Variants in USP2 observed in about 807,000 individuals in gnomAD.
USP2 encodes ubiquitin specific peptidase 2.
Under a neutral mutation model 72.0 loss-of-function variants are expected in USP2, and 33 were observed. That is an observed-to-expected ratio of 0.46 (90% CI 0.35 to 0.61). The LOEUF (loss-of-function observed/expected upper bound fraction) is 0.61, where lower values mean the gene tolerates loss of function less well. Among genes scored for constraint, USP2 ranks in the 20% least tolerant of loss-of-function variants. USP2 has a pLI of 0.01. For synonymous variants in USP2, 296 were observed against 312.5 expected, an observed-to-expected ratio of 0.95 and a Z score of 0.56; for missense variants, 691 against 797.8, an observed-to-expected ratio of 0.87 and a Z score of 1.61.
intron 1 of USP2, chr11:119,379,369 G>T: frequency 1.4e-6 from 1 of 710,618 alleles, no homozygotes; most frequent in Non-Finnish European, 1.7e-6. Context: ...GAGCACAGAG[G>T]GGTGGGGGTG....
At position 119,356,728 on chromosome 11, in the gene USP2, C is replaced by G; in HGVS notation, c.*107G>C. The G allele has an allele frequency of 8.2e-7, 1 of 1,219,662 alleles. No homozygotes were observed. Among genetic ancestry groups the G allele is most frequent in the Non-Finnish European group, 1.1e-6 (1 of 885,584 alleles). The allele number at this position is 1,219,662 out of a possible 1,614,324, so 75.6% of individuals were successfully genotyped here. A position where few individuals can be genotyped will look rare whatever the true frequency, so the allele number is the denominator to read the frequency against. Reference sequence around the variant, plus strand: ...GCTCGGCAGCTTCAGGTTTGTTTTTCTCTTGTCAGGTTTGTGTGTTGTTGT... The same window carrying G: ...GCTCGGCAGCTTCAGGTTTGTTTTTGTCTTGTCAGGTTTGTGTGTTGTTGT... On this transcript the variant is annotated 3_prime_UTR_variant, in exon 13 of 13. Transcript: ENST00000260187.
Position 119,358,983 on chromosome 11 carries a change from A to C in USP2, c.1172+41T>G, listed in dbSNP as rs201207667. 577 of 1,607,368 alleles carry C rather than the reference A, an allele frequency of 3.6e-4. 5 individuals carry two copies. The highest frequency in any genetic ancestry group is 1.2e-3 in the South Asian group (109 of 90,948). ...AGTGGTGGGTAAAAATCTCGAGTTC[A>C]CAAAAGTTTTGCTTTCCCACAGCAT... On this transcript the variant is annotated intron_variant, in intron 6 of 12. Coordinates refer to ENST00000260187, the MANE Select transcript of USP2 (RefSeq NM_004205.5).
At chr11:119,364,261 A>G (rs550341664) in intron 2 of USP2, 1 of 924,154 alleles carries the variant, frequency 1.1e-6, no homozygotes. Flanking sequence ...GGGCGGGGCC[A>G]GGCCCTAAGC....
chr11:119,372,988 T>C lies in USP2; in HGVS notation c.493A>G (p.Asn165Asp). 1 of 1,613,840 alleles carries C rather than the reference T, an allele frequency of 6.2e-7. No homozygotes were observed. Among genetic ancestry groups the C allele is most frequent in the Non-Finnish European group, 8.5e-7 (1 of 1,180,022 alleles). The change falls in exon 2 of 13, where the codon AAC (asparagine) becomes GAC (aspartate). Residue 165 changes from asparagine to aspartate, a missense_variant. Physicochemically the swap from Asn to Asp is conservative, Grantham distance 23. Coordinates refer to ENST00000260187, the MANE Select transcript of USP2 (RefSeq NM_004205.5). ...TSDSYRIDPR[N>D]LGRSPMLART... ...GCCAGCATGGGGCTGCGGCCCAGGT[T>C]CCTGGGGTCTATCCGGTAGCTATCT...
Position 119,372,746 on chromosome 11 carries a change from A to G in USP2, c.735T>C (p.Pro245=), listed in dbSNP as rs767430568. Reference sequence around the variant, plus strand: ...CCGGGGAGCTGGAGCGGCTGGGCCCAGGGGCCTGACCCTTTCCCGTCTCCC... The same window carrying G: ...CCGGGGAGCTGGAGCGGCTGGGCCCGGGGGCCTGACCCTTTCCCGTCTCCC... The part of the protein sequence containing the change: ...TLWETGKGQA[P]GPSRSSSPGR... Residue 245 remains proline, a synonymous_variant, in exon 2 of 13, where the codon CCT becomes CCC. Coordinates refer to ENST00000260187, the MANE Select transcript of USP2 (RefSeq NM_004205.5). 4 of 1,536,298 alleles carry G rather than the reference A, an allele frequency of 2.6e-6. No individual in the cohort carries two copies. The highest frequency in any genetic ancestry group is 1.3e-5 in the South Asian group (1 of 77,144).
rs1950733393 is a variant in USP2 at position 119,359,768 on chromosome 11, G to A, written c.826-108C>T. The A allele has an allele frequency of 2.7e-6, 4 of 1,465,344 alleles. No homozygotes were observed. In the East Asian group the frequency reaches 9.2e-5, roughly 34 times the overall value. 90.8% of individuals were successfully genotyped at this position (1,465,344 alleles called of 1,614,324 possible). On this transcript the variant is annotated intron_variant, in intron 3 of 12. Coordinates refer to ENST00000260187, the MANE Select transcript of USP2 (RefSeq NM_004205.5). ...TCATCTACCTAGAATCCTTTCATAG[G>A]AGGCTATCCTTTCATAGCCTCAAGT...
chr11:119,366,507 C>T (rs1940804), intron 2 of USP2, among the ~76,000 whole-genome samples: 104,626 of 152,150 alleles, frequency 0.69, 36,766 homozygotes, highest in African/African-American at 0.83. Context: ...TTTATCTTTG[C>T]TTTATAAGTG....
intron 2 of USP2, among the ~76,000 whole-genome samples, chr11:119,364,721 C>A (rs931700923): frequency 2.0e-5 from 3 of 152,118 alleles, no homozygotes; most frequent in Non-Finnish European, 4.4e-5. Context: ...GGTCAATGTG[C>A]CCAGGTTAAG....
At chr11:119,378,264 G>T (rs1464322378) in intron 1 of USP2, among the ~76,000 whole-genome samples, 1 of 150,948 alleles carries the variant, frequency 6.6e-6, no homozygotes, top group Non-Finnish European at 1.5e-5. Context: ...CAAGTGTCTG[G>T]TCCTGGAGGA....
chr11:119,368,612 A>G (rs1369476766), intron 2 of USP2, among the ~76,000 whole-genome samples: 1 of 152,216 alleles, frequency 6.6e-6, no homozygotes, highest in Non-Finnish European at 1.5e-5. Context: ...GGCAAATAGG[A>G]CCCAGGTATT....
intron 12 of USP2, 39 bp downstream of exon 12, chr11:119,357,148 G>T: frequency 6.2e-7 from 1 of 1,609,090 alleles, no homozygotes; most frequent in Non-Finnish European, 8.5e-7. Context: ...GAGAGTGGGT[G>T]GCTACAGCCA....
rs1463797976 is a variant in USP2, at chr11:119,364,239, A to T, written c.775-4005T>A. On this transcript the variant is annotated intron_variant, in intron 2 of 12. Coordinates refer to ENST00000260187, the MANE Select transcript of USP2 (RefSeq NM_004205.5). ...CCCCGCCGGCGCCTCGGGCCCCGCG[A>T]CGTCAGCGCTGGGGCGGGGCCAGGC... 40 of 1,053,246 alleles carry T rather than the reference A, an allele frequency of 3.8e-5. No individual in the cohort carries two copies. The East Asian group carries it at 1.4e-3, about 37-fold the overall frequency. The allele number at this position is 1,053,246 out of a possible 1,614,324, so 65.2% of individuals were successfully genotyped here.
rs1336269627 is a variant in USP2, at chr11:119,356,557, C to G, written c.*278G>C. The stretch of plus-strand genomic sequence containing the variant: ...CCCCAAGACACAGTTGTTTCTGACA[C>G]ATAGGAAGACCACAAGTTTACAAAT... On this transcript the variant is annotated 3_prime_UTR_variant, in exon 13 of 13. Transcript: ENST00000260187. 2.2e-6 allele frequency: 1 copy of G among 446,832 alleles called. No homozygotes were observed. The highest frequency in any genetic ancestry group is 4.0e-6 in the Non-Finnish European group (1 of 251,912). 27.7% of individuals were successfully genotyped at this position (446,832 alleles called of 1,614,324 possible).
rs141117796 is a variant in USP2 at position 119,373,156 on chromosome 11, C to T, written c.325G>A (p.Gly109Arg). The change falls in exon 2 of 13, where the codon GGG becomes AGG. Residue 109 changes from glycine (G) to arginine (R), a missense_variant. Physicochemically the swap from Gly to Arg is moderately radical, Grantham distance 125 (BLOSUM62 -2). Transcript: ENST00000260187. ...ACTCCATAAGGGAATCCGCTGCCCC[C>T]GCTGAGGCCACTGCCTAAAGGCCGC... ...TERPLGSGLSGGSGFPYGVTN... is the reference protein window; with the variant it reads ...TERPLGSGLSRGSGFPYGVTN... 8.7e-5 allele frequency: 141 copies of T among 1,614,128 alleles called. 1 individual carries two copies. In the East Asian group the frequency reaches 1.7e-3, roughly 20 times the overall value.
chr11:119,358,821 G>A lies in USP2; in HGVS notation c.1189C>T (p.Arg397Ter). 6.2e-7 allele frequency: 1 copy of A among 1,613,944 alleles called. No individual in the cohort carries two copies. Among genetic ancestry groups the A allele is most frequent in the Non-Finnish European group, 8.5e-7 (1 of 1,180,020 alleles). The change falls in exon 7 of 13, where the codon CGA becomes TGA. Residue 397 changes from arginine (R) to a stop codon, truncating the protein, a stop_gained. Coordinates refer to ENST00000260187, the MANE Select transcript of USP2 (RefSeq NM_004205.5). LOFTEE classifies it high-confidence loss of function. ...LDHLPDDEKG[R>*]QMWRKYLERE... ...TCTAGATATTTTCTCCACATCTGTC[G>A]GCCTTTCTCGTCATCACTGGGAACC...
chr11:119,374,353 A>G (rs1293014587), intron 1 of USP2, among the ~76,000 whole-genome samples: 1 of 152,094 alleles, frequency 6.6e-6, no homozygotes, highest in Admixed American at 6.5e-5. Context: ...ACAGTCCCAA[A>G]TCTTGCACTG....
chr11:119,373,895 G>T (rs1358637945), intron 1 of USP2, among the ~76,000 whole-genome samples: 3 of 152,198 alleles, frequency 2.0e-5, no homozygotes, highest in Non-Finnish European at 4.4e-5. Context: ...TTGAGCTGGG[G>T]GAATGCCACT....
intron 1 of USP2, among the ~76,000 whole-genome samples, chr11:119,378,622 G>A (rs564798038): frequency 1.3e-5 from 2 of 152,318 alleles, no homozygotes; most frequent in East Asian, 3.9e-4. Context: ...GACTGGTGGA[G>A]AAGAAGTGGA....
At chr11:119,363,862 A>G in intron 2 of USP2, 1 of 1,329,412 alleles carries the variant, frequency 7.5e-7, no homozygotes, top group Non-Finnish European at 9.8e-7. Context: ...GGCTTTGTTG[A>G]GCAGGAGCCC....
Sources: gnomAD v4.1 joint callset for allele counts (sites outside exome capture counted in the v4.1 genomes callset) on GRCh38, gnomAD v4.1.1 for gene constraint, MANE v1.5 for transcripts, NCBI Gene and HGNC (gene_info 2026-07-23, HGNC 2026-07-21) for gene names.